The following STAT1 variants were observed in gnomAD, a reference collection of about 807,000 sequenced individuals.
STAT1 encodes signal transducer and activator of transcription 1.
In STAT1, 24 loss-of-function variants were observed where a neutral mutation model predicts 111.7. The ratio of observed to expected loss-of-function variants is 0.21; its 90% CI spans 0.16 to 0.30. The LOEUF is 0.30. Among genes scored for constraint, STAT1 ranks in the 10% least tolerant of loss-of-function variants. STAT1 has a pLI of 1.00. For missense variants in STAT1, 351 were observed against 911.9 expected (o/e 0.38, Z 7.92); for synonymous variants, 332 against 326.5 (o/e 1.02, Z -0.18).
chr2:191,009,474 C>T (rs1295419303), intron 3 of STAT1, among the ~76,000 whole-genome samples: 5 of 152,038 alleles, frequency 3.3e-5, no homozygotes, highest in Admixed American at 3.3e-4. Context: ...AAAAAAAATC[C>T]CCTTAATTTT....
chr2:190,991,102 A>G, intron 11 of STAT1, 126 bp downstream of exon 11: 1 of 759,784 alleles, frequency 1.3e-6, no homozygotes, highest in Non-Finnish European at 2.3e-6. Flanking sequence ...GTAAGAGTTC[A>G]TATTAAAGTG....
rs1002548087 is a variant in STAT1 at position 190,999,963 on chromosome 2, G to A, written c.463-259C>T. Among the ~76,000 whole-genome samples the A allele has an allele frequency of 1.5e-4, 23 of 152,108 alleles. No individual in the cohort carries two copies. Among genetic ancestry groups the A allele is most frequent in the Admixed American group, 3.9e-4 (6 of 15,276 alleles). ...TGTATGTCCTTAACCTGGTTCCAGC[G>A]CCTAAATTTTGATTCTTCCTCATCA... On this transcript the variant is annotated intron_variant, in intron 6 of 24. Coordinates refer to ENST00000361099, the MANE Select transcript of STAT1 (RefSeq NM_007315.4). The surrounding 1 kb of genome is among the most constrained non-coding windows in gnomAD (Gnocchi z 4.1).
In STAT1 at chr2:191,003,886, T is replaced by A. The variant is rs1694478749; in HGVS notation, c.373-2723A>T. 6.6e-6 allele frequency among the ~76,000 whole-genome samples: 1 copy of A among 152,176 alleles called. No individual in the cohort carries two copies. The highest frequency in any genetic ancestry group is 2.1e-4 in the South Asian group (1 of 4,832). ...AGAGAGGGACCAGGCCACTGGAGAA[T>A]TCTGACTTCCCAGGCCTCCTCCCAA... On this transcript the variant is annotated intron_variant, in intron 5 of 24. Transcript: ENST00000361099. This position sits in a 1 kb window ranked among gnomAD's most constrained non-coding sequence, Gnocchi z 4.0.
chr2:191,013,742 G>A (rs997330639), intron 1 of STAT1, 64 bp from the exon 2 acceptor site: 9 of 398,508 alleles, frequency 2.3e-5, no homozygotes, highest in East Asian at 1.8e-4. Flanking sequence ...GACGGTAAAT[G>A]GGAAGGTGCA....
At position 190,976,717 on chromosome 2, in the gene STAT1, T is replaced by C. The variant is rs1691931877; in HGVS notation, c.2059+123A>G. On this transcript the variant is annotated intron_variant, in intron 22 of 24. Transcript: ENST00000361099. The surrounding 1 kb of genome is among the most constrained non-coding windows in gnomAD (Gnocchi z 6.0). ...TTTCACCTGCACTGAGTTTATGCCA[T>C]CTTTTGAAAGCCTACTCTTACCAAT... is the stretch of plus-strand genomic sequence containing the variant. The C allele has an allele frequency of 1.2e-6, 1 of 828,984 alleles. No individual in the cohort carries two copies. The highest frequency in any genetic ancestry group is 1.4e-5 in the South Asian group (1 of 69,488). 51.4% of individuals were successfully genotyped at this position (828,984 alleles called of 1,614,324 possible). A position where few individuals can be genotyped will look rare whatever the true frequency, so the allele number is the denominator to read the frequency against.
chr2:190,983,928 G>C lies in STAT1; in HGVS notation c.1348-188C>G, dbSNP rs1392099650. Among the ~76,000 whole-genome samples the C allele has an allele frequency of 6.6e-6, 1 of 152,066 alleles. No homozygotes were observed. Among genetic ancestry groups the C allele is most frequent in the African/African-American group, 2.4e-5 (1 of 41,388 alleles). On this transcript the variant is annotated intron_variant, in intron 16 of 24. Transcript: ENST00000361099. The surrounding 1 kb of genome is among the most constrained non-coding windows in gnomAD (Gnocchi z 5.7). ...TGTCTTTGATGTATCTTTCAGTTAA[G>C]AAATAAGTCCCTAAAAATAATAATA...
Position 190,999,827 on chromosome 2 carries a change from A to C in STAT1, c.463-123T>G. 1 of 721,478 alleles carries C rather than the reference A, an allele frequency of 1.4e-6. No individual in the cohort carries two copies. The highest frequency in any genetic ancestry group is 1.5e-5 in the South Asian group (1 of 66,510). 44.7% of individuals were successfully genotyped at this position (721,478 alleles called of 1,614,324 possible). ...AAACAATTCCATCTCCCCCAAAAAG[A>C]GATCTGACTTGGACAGTTCTAATCA... On this transcript the variant is annotated intron_variant, in intron 6 of 24. Transcript: ENST00000361099. The surrounding 1 kb of genome is among the most constrained non-coding windows in gnomAD (Gnocchi z 4.1).
rs1279603770 is a variant in STAT1 at position 190,985,800 on chromosome 2, T to C, written c.1222-140A>G. The C allele has an allele frequency of 1.3e-5, 12 of 930,012 alleles. No homozygotes were observed. The South Asian group carries it at 1.4e-4, about 11-fold the overall frequency. 57.6% of individuals were successfully genotyped at this position (930,012 alleles called of 1,614,324 possible). The stretch of plus-strand genomic sequence containing the variant: ...TTTAGAATGCAGAACATGGGACAAA[T>C]TGGCCCTCGTTCAGGGTCCATGAGC... On this transcript the variant is annotated intron_variant, in intron 14 of 24. Transcript: ENST00000361099.
At chr2:191,013,033 G>T (rs1490031883) in intron 2 of STAT1, among the ~76,000 whole-genome samples, 1 of 152,174 alleles carries the variant, frequency 6.6e-6, no homozygotes, top group Non-Finnish European at 1.5e-5. Flanking sequence ...GGGTGGGGAG[G>T]GGGTAGAGTA....
rs1045775642 is a variant in STAT1 at position 190,977,130 on chromosome 2, G to A, written c.1874-105C>T. 1.7e-5 allele frequency: 18 copies of A among 1,072,936 alleles called. No individual in the cohort carries two copies. The African/African-American group carries it at 2.0e-4, about 12-fold the overall frequency. The allele number at this position is 1,072,936 out of a possible 1,614,324, so 66.5% of individuals were successfully genotyped here. On this transcript the variant is annotated intron_variant, in intron 21 of 24. Coordinates refer to ENST00000361099, the MANE Select transcript of STAT1 (RefSeq NM_007315.4). The surrounding 1 kb of genome is among the most constrained non-coding windows in gnomAD (Gnocchi z 4.7). Reference sequence around the variant, plus strand: ...TGATGGATTTGAGTGAACCTCATAAGAACTAATCACAATCTAAGCATTATA... The same window carrying A: ...TGATGGATTTGAGTGAACCTCATAAAAACTAATCACAATCTAAGCATTATA...
At chr2:190,992,654 A>G in intron 10 of STAT1, 1 of 1,232,514 alleles carries the variant, frequency 8.1e-7, no homozygotes. Flanking sequence ...AGGAACCTCC[A>G]CCTGACTGCT....
chr2:190,976,684 G>T lies in STAT1; in HGVS notation c.2059+156C>A, dbSNP rs762550666. On this transcript the variant is annotated intron_variant, in intron 22 of 24. Transcript: ENST00000361099. The surrounding 1 kb of genome is among the most constrained non-coding windows in gnomAD (Gnocchi z 6.0). ...TACTAGCTGTATCAGGCCAAATAAT[G>T]CATTATGTTTCACCTGCACTGAGTT... is the stretch of plus-strand genomic sequence containing the variant. Among the ~76,000 whole-genome samples, 1 of 152,150 alleles carries T rather than the reference G, an allele frequency of 6.6e-6. No individual in the cohort carries two copies. The highest frequency in any genetic ancestry group is 1.5e-5 in the Non-Finnish European group (1 of 68,030).
rs1692475650 is a variant in STAT1 at position 190,982,608 on chromosome 2, A to G, written c.1447-90T>C. The G allele has an allele frequency of 2.8e-6, 4 of 1,430,774 alleles. No homozygotes were observed. The highest frequency in any genetic ancestry group is 3.9e-6 in the Non-Finnish European group (4 of 1,015,398). 88.6% of individuals were successfully genotyped at this position (1,430,774 alleles called of 1,614,324 possible). On this transcript the variant is annotated intron_variant, in intron 17 of 24. Coordinates refer to ENST00000361099, the MANE Select transcript of STAT1 (RefSeq NM_007315.4). The surrounding 1 kb of genome is among the most constrained non-coding windows in gnomAD (Gnocchi z 7.3). Reference sequence around the variant, plus strand: ...AAACATATGTCCATCCCAAAGTTCAATTCTAGTTTATATGACACACAGGTG... The same window carrying G: ...AAACATATGTCCATCCCAAAGTTCAGTTCTAGTTTATATGACACACAGGTG...
At chr2:190,992,388 T>A (rs898860406) in intron 10 of STAT1, among the ~76,000 whole-genome samples, 12 of 152,088 alleles carry the variant, frequency 7.9e-5, no homozygotes, top group Non-Finnish European at 1.5e-4. Context: ...CAGTCTGATA[T>A]CAGGAAAATA....
In STAT1 at chr2:190,990,965, G is replaced by A. The variant is rs2125047351; in HGVS notation, c.1037+263C>T. On this transcript the variant is annotated intron_variant, in intron 11 of 24. Transcript: ENST00000361099. The surrounding 1 kb of genome is among the most constrained non-coding windows in gnomAD (Gnocchi z 5.1). ...CTATTACACACATTTCTGCAATTTG[G>A]AATTCTGTTTTCCTGTGAACACGCA... Among the ~76,000 whole-genome samples the A allele has an allele frequency of 1.3e-5, 2 of 152,250 alleles. No homozygotes were observed. The highest frequency in any genetic ancestry group is 4.1e-4 in the South Asian group (2 of 4,820).
rs201733976 is a variant in STAT1 at position 190,979,760 on chromosome 2, G to A, written c.1727+12C>T. 4.1e-4 allele frequency: 659 copies of A among 1,595,132 alleles called. 3 individuals carry two copies. The Middle Eastern group carries it at 8.1e-3, about 20-fold the overall frequency. ...AAATATGTTTCAAAATACATCTATC[G>A]GTGGCCCTTACCCATCATTCCAGAG... is the stretch of plus-strand genomic sequence containing the variant. On this transcript the variant is annotated intron_variant, in intron 20 of 24. Coordinates refer to ENST00000361099, the MANE Select transcript of STAT1 (RefSeq NM_007315.4). This position sits in a 1 kb window ranked among gnomAD's most constrained non-coding sequence, Gnocchi z 5.8.
chr2:190,978,722 G>C lies in STAT1; in HGVS notation c.1873+134C>G, dbSNP rs893685524. On this transcript the variant is annotated intron_variant, in intron 21 of 24. Coordinates refer to ENST00000361099, the MANE Select transcript of STAT1 (RefSeq NM_007315.4). The surrounding 1 kb of genome is among the most constrained non-coding windows in gnomAD (Gnocchi z 6.1). ...TGGTGGTTTATTAAATCCTATCGGG[G>C]GCTCATTTGGGGTAAGTATAAGATC... 9.0e-7 allele frequency: 1 copy of C among 1,106,194 alleles called. No homozygotes were observed. The highest frequency in any genetic ancestry group is 1.5e-5 in the African/African-American group (1 of 64,620). The allele number at this position is 1,106,194 out of a possible 1,614,324, so 68.5% of individuals were successfully genotyped here.
At chr2:191,010,581 C>T (rs555622901) in intron 2 of STAT1, 1 of 205,314 alleles carries the variant, frequency 4.9e-6, no homozygotes, top group South Asian at 6.3e-5. Context: ...ACAAGACTCT[C>T]CCAAAATTGC....
In STAT1 at chr2:190,970,328, T is replaced by C. The variant is rs1691357473; in HGVS notation, c.*375A>G. The stretch of plus-strand genomic sequence containing the variant: ...GCAGTTCCCTAAATAACCACTGATT[T>C]ATCCAACAACCTATAACAGTTGGGC... On this transcript the variant is annotated 3_prime_UTR_variant, in exon 25 of 25. Transcript: ENST00000361099. The surrounding 1 kb of genome is among the most constrained non-coding windows in gnomAD (Gnocchi z 5.4). 6.8e-6 allele frequency: 2 copies of C among 295,426 alleles called. No homozygotes were observed. Among genetic ancestry groups the C allele is most frequent in the Non-Finnish European group, 1.3e-5 (2 of 151,824 alleles). The allele number at this position is 295,426 out of a possible 1,614,324, so 18.3% of individuals were successfully genotyped here.
Sources: gnomAD v4.1 joint callset for allele counts (sites outside exome capture counted in the v4.1 genomes callset) on GRCh38, gnomAD v4.1.1 for gene constraint, Gnocchi (gnomAD v3.1) non-coding constraint, MANE v1.5 for transcripts, NCBI Gene and HGNC (gene_info 2026-07-23, HGNC 2026-07-21) for gene names.